The following BRINP3 variants were observed in gnomAD, a reference collection of about 807,000 sequenced individuals.
BRINP3 encodes BMP/retinoic acid-inducible neural-specific protein 3.
Under a neutral mutation model 71.0 loss-of-function variants are expected in BRINP3, and 19 were observed. The observed-to-expected ratio is 0.27, with a 90% confidence interval of 0.19 to 0.39. The LOEUF is 0.39. BRINP3 is among the 10% of genes least tolerant of loss of function. The probability of loss-of-function intolerance (pLI) is 1.00; values close to 1 mark genes in which losing one functional copy is unlikely to be tolerated. For missense variants in BRINP3, 959 were observed against 940.8 expected, an observed-to-expected ratio of 1.02 and a Z score of -0.25; for synonymous variants, 380 against 337.7, an observed-to-expected ratio of 1.13 and a Z score of -1.37.
intron 2 of BRINP3, among the ~76,000 whole-genome samples, chr1:190,306,764 G>A (rs556643730): frequency 6.6e-6 from 1 of 151,880 alleles, no homozygotes; most frequent in Admixed American, 6.6e-5. Context: ...ACAAGAATGA[G>A]GTTAAAGAGA....
At chr1:190,229,393 T>C (rs1657724239) in intron 5 of BRINP3, among the ~76,000 whole-genome samples, 1 of 152,030 alleles carries the variant, frequency 6.6e-6, no homozygotes, top group Non-Finnish European at 1.5e-5. Context: ...TCTGTCATGA[T>C]TGTGAGGCAT....
intron 3 of BRINP3, among the ~76,000 whole-genome samples, chr1:190,270,764 T>C (rs1315035936): frequency 1.3e-5 from 2 of 151,638 alleles, no homozygotes; most frequent in African/African-American, 2.4e-5. Flanking sequence ...GGTAAGTTCA[T>C]AACCAATACT....
At chr1:190,178,539 C>A (rs1369254189) in intron 6 of BRINP3, among the ~76,000 whole-genome samples, 1 of 152,048 alleles carries the variant, frequency 6.6e-6, no homozygotes, top group African/African-American at 2.4e-5. Context: ...AGAAAGCTAT[C>A]TAAGAAATTA....
At position 190,281,544 on chromosome 1, in the gene BRINP3, G is replaced by A. The variant is rs1286801180; in HGVS notation, c.427+16C>T. ...CACAAGCACACACAGGCACAAATAG[G>A]TTCAAAGAGCCGTACCTCCCAGAGT... On this transcript the variant is annotated intron_variant, in intron 3 of 7. Coordinates refer to ENST00000367462, the MANE Select transcript of BRINP3 (RefSeq NM_199051.3). 1.2e-6 allele frequency: 2 copies of A among 1,609,340 alleles called. No individual in the cohort carries two copies. The highest frequency in any genetic ancestry group is 1.7e-6 in the Non-Finnish European group (2 of 1,177,324).
intron 2 of BRINP3, among the ~76,000 whole-genome samples, chr1:190,327,314 C>CA (rs1240879175): frequency 8.2e-4 from 10 of 12,140 alleles, no homozygotes; most frequent in East Asian, 5.7e-3. Context: ...GGCTCCATCT[C>CA]AAAAAAAAGA....
At chr1:190,186,037 A>C (rs1021479506) in intron 6 of BRINP3, among the ~76,000 whole-genome samples, 1 of 152,150 alleles carries the variant, frequency 6.6e-6, no homozygotes, top group African/African-American at 2.4e-5. Flanking sequence ...ATAAATATAT[A>C]CAATTATTGT....
At chr1:190,252,494 G>A (rs920070501) in intron 4 of BRINP3, among the ~76,000 whole-genome samples, 1 of 151,870 alleles carries the variant, frequency 6.6e-6, no homozygotes, top group Non-Finnish European at 1.5e-5. Flanking sequence ...GCCTATTGAG[G>A]ATTCCTGTGA....
rs543025776 is a variant in BRINP3, at chr1:190,179,429, T to A, written c.962-18539A>T. 2.4e-4 allele frequency among the ~76,000 whole-genome samples: 36 copies of A among 152,224 alleles called. 1 individual carries two copies. Among genetic ancestry groups the A allele is most frequent in the Admixed American group, 2.3e-3 (35 of 15,276 alleles). On this transcript the variant is annotated intron_variant, in intron 6 of 7. Transcript: ENST00000367462. ...AAATAATGAAGAAAACATAATTATA[T>A]TGAGAACCCCAAAAGACTGTTTGTA...
chr1:190,305,140 G>C (rs535783877), intron 2 of BRINP3, among the ~76,000 whole-genome samples: 1 of 151,950 alleles, frequency 6.6e-6, no homozygotes, highest in African/African-American at 2.4e-5. Context: ...GTGGTGAAAA[G>C]GGAACCCTTA....
chr1:190,102,874 G>A (rs776553917), intron 7 of BRINP3, among the ~76,000 whole-genome samples: 9 of 151,776 alleles, frequency 5.9e-5, no homozygotes, highest in Non-Finnish European at 7.4e-5. Flanking sequence ...AATATCTTCC[G>A]GAGTTCACTT....
intron 7 of BRINP3, among the ~76,000 whole-genome samples, chr1:190,155,722 G>T (rs560662635): frequency 6.6e-6 from 1 of 152,026 alleles, no homozygotes; most frequent in African/African-American, 2.4e-5. Flanking sequence ...CTGTTCTCCT[G>T]AGTGAGTAAG....
intron 7 of BRINP3, among the ~76,000 whole-genome samples, chr1:190,160,238 G>A (rs1283435613): frequency 1.3e-5 from 2 of 151,812 alleles, no homozygotes; most frequent in African/African-American, 4.8e-5. Flanking sequence ...TAGGTTTGTG[G>A]TTTTCTATAC....
intron 6 of BRINP3, among the ~76,000 whole-genome samples, chr1:190,204,575 T>C (rs568728942): frequency 3.9e-5 from 6 of 152,110 alleles, no homozygotes; most frequent in Non-Finnish European, 5.9e-5. Context: ...AAATTGAATG[T>C]CCTGCCTTCA....
intron 2 of BRINP3, among the ~76,000 whole-genome samples, chr1:190,429,843 C>T (rs768066619): frequency 6.6e-6 from 1 of 152,138 alleles, no homozygotes; most frequent in Non-Finnish European, 1.5e-5. Flanking sequence ...CCCTGCCCGC[C>T]TTGGCCTCCC....
At chr1:190,247,305 G>A (rs1207087445) in intron 4 of BRINP3, among the ~76,000 whole-genome samples, 3 of 151,848 alleles carry the variant, frequency 2.0e-5, no homozygotes, top group African/African-American at 7.2e-5. Context: ...ACCTGTGGAA[G>A]GAACTTATCT....
At chr1:190,387,169 A>G (rs1670965036) in intron 2 of BRINP3, among the ~76,000 whole-genome samples, 1 of 152,032 alleles carries the variant, frequency 6.6e-6, no homozygotes, top group Admixed American at 6.6e-5. Context: ...CTGAATCAAA[A>G]TTCACAATAA....
chr1:190,298,844 C>T (rs1200177494), intron 2 of BRINP3, among the ~76,000 whole-genome samples: 1 of 151,858 alleles, frequency 6.6e-6, no homozygotes, highest in Non-Finnish European at 1.5e-5. Context: ...TTGTTGTGTT[C>T]CTCTATATCC....
intron 4 of BRINP3, among the ~76,000 whole-genome samples, chr1:190,241,632 T>C (rs1389184031): frequency 6.6e-6 from 1 of 152,032 alleles, no homozygotes; most frequent in Non-Finnish European, 1.5e-5. Context: ...GAAGGCCAAA[T>C]GAATTAACTT....
chr1:190,409,609 G>A (rs1672529645), intron 2 of BRINP3, among the ~76,000 whole-genome samples: 1 of 152,106 alleles, frequency 6.6e-6, no homozygotes, highest in Non-Finnish European at 1.5e-5. Context: ...TTCCCTTTAA[G>A]CATTTTCTTT....
Sources: allele counts gnomAD v4.1 joint callset (sites outside exome capture counted in the v4.1 genomes callset), GRCh38; gene constraint gnomAD v4.1.1; transcripts MANE v1.5; gene names NCBI Gene and HGNC (gene_info 2026-07-23, HGNC 2026-07-21).